The following SP3 variants were observed in gnomAD, a reference collection of about 807,000 sequenced individuals.
The protein encoded by SP3 is transcription factor Sp3.
In SP3, 10 loss-of-function variants were observed where a neutral mutation model predicts 70.3. That is an observed-to-expected ratio of 0.14 (90% CI 0.09 to 0.24). The LOEUF (loss-of-function observed/expected upper bound fraction) is 0.24. Ranked by LOEUF, SP3 falls within the 10% of genes least tolerant of loss-of-function variation. The pLI is 1.00. For synonymous variants in SP3, 402 were observed against 333.5 expected, an observed-to-expected ratio of 1.21 and a Z score of -2.24; for missense variants, 825 against 914.6, an observed-to-expected ratio of 0.90 and a Z score of 1.26.
At position 173,956,761 on chromosome 2, in the gene SP3, A is replaced by G. The variant is rs973719882; in HGVS notation, c.280-529T>C. On this transcript the variant is annotated intron_variant, in intron 3 of 6. Transcript: ENST00000310015. ...TAAGCTATCAAACTCTACTTTTTCCATGAACTAATGAAAAACAAAGACCTT... is the reference window on the plus strand; with the variant it reads ...TAAGCTATCAAACTCTACTTTTTCCGTGAACTAATGAAAAACAAAGACCTT... Among the ~76,000 whole-genome samples, 8 of 152,300 alleles carry G rather than the reference A, an allele frequency of 5.3e-5. No homozygotes were observed. The East Asian group carries it at 1.5e-3, about 29-fold the overall frequency.
At chr2:173,950,027 A>C (rs1416204256) in intron 4 of SP3, among the ~76,000 whole-genome samples, 1 of 152,182 alleles carries the variant, frequency 6.6e-6, no homozygotes, top group Non-Finnish European at 1.5e-5. Flanking sequence ...CAGCAACGAT[A>C]AAGTAAAAAT....
At chr2:173,930,968 C>A (rs1220790587) in intron 4 of SP3, among the ~76,000 whole-genome samples, 1 of 152,138 alleles carries the variant, frequency 6.6e-6, no homozygotes, top group Non-Finnish European at 1.5e-5. Context: ...AGAAACACTA[C>A]AAATTTGATT....
Position 173,949,123 on chromosome 2 carries a change from G to C in SP3, c.1639+5750C>G, listed in dbSNP as rs112082139. 1.1e-3 allele frequency among the ~76,000 whole-genome samples: 165 copies of C among 152,172 alleles called. 3 individuals carry two copies. Among genetic ancestry groups the C allele is most frequent in the African/African-American group, 3.8e-3 (157 of 41,538 alleles). Reference sequence around the variant, plus strand: ...TCATCACATTTTGTCTATTCTTTTTGTAACTCTAAAAAGACCACATTTCCA... The same window carrying C: ...TCATCACATTTTGTCTATTCTTTTTCTAACTCTAAAAAGACCACATTTCCA... On this transcript the variant is annotated intron_variant, in intron 4 of 6. Coordinates refer to ENST00000310015, the MANE Select transcript of SP3 (RefSeq NM_003111.5).
rs193076889 is a variant in SP3, at chr2:173,905,326, T to C, written c.*4615A>G. On this transcript the variant is annotated 3_prime_UTR_variant, in exon 7 of 7. Coordinates refer to ENST00000310015, the MANE Select transcript of SP3 (RefSeq NM_003111.5). Reference sequence around the variant, plus strand: ...TCTACCGTTAAGTCAGGCACTATGCTGAATGCTTATATTTTAATACAACAA... The same window carrying C: ...TCTACCGTTAAGTCAGGCACTATGCCGAATGCTTATATTTTAATACAACAA... 2.4e-4 allele frequency among the ~76,000 whole-genome samples: 36 copies of C among 152,316 alleles called. No individual in the cohort carries two copies. Among genetic ancestry groups the C allele is most frequent in the African/African-American group, 7.9e-4 (33 of 41,558 alleles).
At chr2:173,951,075 T>C (rs1238606142) in intron 4 of SP3, among the ~76,000 whole-genome samples, 1 of 152,196 alleles carries the variant, frequency 6.6e-6, no homozygotes, top group African/African-American at 2.4e-5. Context: ...CTGATAACAT[T>C]TGAAAAGAAA....
At chr2:173,939,195 T>C (rs542777982) in intron 4 of SP3, among the ~76,000 whole-genome samples, 1 of 152,280 alleles carries the variant, frequency 6.6e-6, no homozygotes, top group East Asian at 1.9e-4. Context: ...GTAAGTTATC[T>C]GTAGACTCAA....
chr2:173,920,531 C>T (rs190615124), intron 4 of SP3, among the ~76,000 whole-genome samples: 42 of 151,900 alleles, frequency 2.8e-4, no homozygotes, highest in Non-Finnish European at 5.6e-4. Context: ...TGTGCAGGGG[C>T]GGGGGGTAAG....
At chr2:173,935,729 T>G (rs1251792635) in intron 4 of SP3, among the ~76,000 whole-genome samples, 1 of 152,218 alleles carries the variant, frequency 6.6e-6, no homozygotes, top group Non-Finnish European at 1.5e-5. Flanking sequence ...TGTCCTAGGC[T>G]CAGCCCTCCA....
chr2:173,918,137 C>G (rs1689657740), intron 5 of SP3, among the ~76,000 whole-genome samples: 1 of 151,962 alleles, frequency 6.6e-6, no homozygotes, highest in Non-Finnish European at 1.5e-5. Context: ...AAAGACTGAA[C>G]TGAAATACAA....
chr2:173,962,079 G>C (rs1691107112), intron 3 of SP3, among the ~76,000 whole-genome samples: 1 of 151,932 alleles, frequency 6.6e-6, no homozygotes, highest in East Asian at 1.9e-4. Flanking sequence ...GTGTTGTCAG[G>C]AGTGATTTGG....
Position 173,908,667 on chromosome 2 carries a change from GA to G in SP3, c.*1273del, listed in dbSNP as rs2105450536. 6.6e-6 allele frequency: 1 copy of G among 152,458 alleles called. No individual in the cohort carries two copies. The highest frequency in any genetic ancestry group is 2.4e-5 in the African/African-American group (1 of 41,546). The allele number at this position is 152,458 out of a possible 1,614,324, so 9.4% of individuals were successfully genotyped here. A position where few individuals can be genotyped will look rare whatever the true frequency, so the allele number is the denominator to read the frequency against. On this transcript the variant is annotated 3_prime_UTR_variant, in exon 7 of 7. Coordinates refer to ENST00000310015, the MANE Select transcript of SP3 (RefSeq NM_003111.5). ...AGAATTCCAAATTTTTGAAATAGGT[GA>G]ACTGCTGCAGTTACAGGTATACATT...
At position 173,902,907 on chromosome 2, in the gene SP3, A is replaced by C. The variant is rs113503536; in HGVS notation, c.*7034T>G. On this transcript the variant is annotated 3_prime_UTR_variant, in exon 7 of 7. Transcript: ENST00000310015. Reference sequence around the variant, plus strand: ...TATACAGATTTCAGGCACAACTGTGATCATTCCTTTCTAAAAGAAAAAATA... The same window carrying C: ...TATACAGATTTCAGGCACAACTGTGCTCATTCCTTTCTAAAAGAAAAAATA... 3.4e-3 allele frequency among the ~76,000 whole-genome samples: 522 copies of C among 152,324 alleles called. 1 individual carries two copies. The highest frequency in any genetic ancestry group is 0.012 in the African/African-American group (495 of 41,572).
chr2:173,920,932 G>T (rs1689736548), intron 4 of SP3, among the ~76,000 whole-genome samples: 1 of 152,106 alleles, frequency 6.6e-6, no homozygotes, highest in African/African-American at 2.4e-5. Context: ...GGTGCTCCAT[G>T]GGGATAGAAG....
Position 173,901,208 on chromosome 2 carries a change from G to C in SP3, c.*8733C>G, listed in dbSNP as rs1188498831. ...GTGAATTAACAAGATAAATAGAAAG[G>C]CAAAATCATAAAATTTTTAGACAAA... On this transcript the variant is annotated 3_prime_UTR_variant, in exon 7 of 7. Coordinates refer to ENST00000310015, the MANE Select transcript of SP3 (RefSeq NM_003111.5). 1.3e-5 allele frequency among the ~76,000 whole-genome samples: 2 copies of C among 151,782 alleles called. No homozygotes were observed. The highest frequency in any genetic ancestry group is 2.9e-5 in the Non-Finnish European group (2 of 67,916).
chr2:173,955,077 T>C lies in SP3; in HGVS notation c.1435A>G (p.Ile479Val), dbSNP rs1316240836. 6.2e-7 allele frequency: 1 copy of C among 1,614,220 alleles called. No individual in the cohort carries two copies. Residue 479 changes from isoleucine (I) to valine (V), a missense_variant, in exon 4 of 7, where the codon ATA becomes GTA. By Grantham distance (29) the Ile-to-Val change is conservative (BLOSUM62 3). Transcript: ENST00000310015. ...QGVQNLQNLQIQNTAAQQITL... is the reference protein window; with the variant it reads ...QGVQNLQNLQVQNTAAQQITL... ...ATTTGTTGGGCAGCAGTATTCTGTATTTGCAAATTCTGCAAGTTCTGGACC... is the reference window on the plus strand; with the variant it reads ...ATTTGTTGGGCAGCAGTATTCTGTACTTGCAAATTCTGCAAGTTCTGGACC...
At chr2:173,923,683 TG>T (rs1689824385) in intron 4 of SP3, among the ~76,000 whole-genome samples, 2 of 152,082 alleles carry the variant, frequency 1.3e-5, no homozygotes, top group South Asian at 4.1e-4. Context: ...AAGATTTTGT[TG>T]TTCTTATCAA....
intron 3 of SP3, among the ~76,000 whole-genome samples, chr2:173,958,641 TTTTAA>T (rs1163880648): frequency 2.0e-5 from 3 of 151,472 alleles, no homozygotes; most frequent in African/African-American, 7.3e-5. Flanking sequence ...AAAGGAACTT[TTTTAA>T]TTTAATAAAT....
At chr2:173,965,531 G>T (rs1691268486), upstream of SP3, 2 of 262,616 alleles carry the variant, frequency 7.6e-6, no homozygotes, top group South Asian at 5.0e-5. Flanking sequence ...GAGCGGCCGT[G>T]GCAGCGTAGG....
chr2:173,912,298 A>G (rs557693216), intron 6 of SP3, among the ~76,000 whole-genome samples: 97 of 152,360 alleles, frequency 6.4e-4, no homozygotes, highest in Non-Finnish European at 1.1e-3. Flanking sequence ...AACGTCAGAG[A>G]TAGTTTATTC....
Sources: gnomAD v4.1 joint callset for allele counts (sites outside exome capture counted in the v4.1 genomes callset) on GRCh38, gnomAD v4.1.1 for gene constraint, MANE v1.5 for transcripts, NCBI Gene and HGNC (gene_info 2026-07-23, HGNC 2026-07-21) for gene names.